The following GRTP1 variants were observed in gnomAD, a reference collection of about 807,000 sequenced individuals.
The protein encoded by GRTP1 is growth hormone-regulated TBC protein 1.
A neutral mutation model predicts 38.1 loss-of-function variants in GRTP1; 56 were observed. The ratio of observed to expected loss-of-function variants is 1.47; its 90% CI spans 1.19 to 1.84. The LOEUF (loss-of-function observed/expected upper bound fraction) is 1.84, where lower values mean the gene tolerates loss of function less well. GRTP1 is among the 40% of genes most tolerant of loss of function. The pLI, the probability that GRTP1 is intolerant of heterozygous loss-of-function variation, is 0.00. For missense variants in GRTP1, 506 were observed against 453.9 expected (o/e 1.11, Z -1.04); for synonymous variants, 217 against 189.5 (o/e 1.14, Z -1.19).
intron 5 of GRTP1, among the ~76,000 whole-genome samples, chr13:113,326,678 C>A (rs1158744853): frequency 5.3e-5 from 7 of 132,232 alleles, no homozygotes; most frequent in African/African-American, 2.1e-4. Flanking sequence ...CTCAAAAAAA[C>A]AAACAAACAA....
chr13:113,342,933 G>A lies in GRTP1; in HGVS notation c.562+1930C>T, dbSNP rs144733006. Among the ~76,000 whole-genome samples the A allele has an allele frequency of 9.0e-4, 137 of 152,144 alleles. No homozygotes were observed. Among genetic ancestry groups the A allele is most frequent in the African/African-American group, 3.1e-3 (130 of 41,502 alleles). On this transcript the variant is annotated intron_variant, in intron 5 of 7. Coordinates refer to ENST00000375431, the MANE Select transcript of GRTP1 (RefSeq NM_024719.4). The surrounding 1 kb of genome is among the most constrained non-coding windows in gnomAD (Gnocchi z 4.5). ...ACGCATCTGTCCATCACACCAGCAC[G>A]GCGGGGCCTGCTCCTGCCCTCTAGG... is the stretch of plus-strand genomic sequence containing the variant.
intron 2 of GRTP1, chr13:113,360,008 G>C (rs191651275): frequency 4.6e-5 from 7 of 152,152 alleles, no homozygotes; most frequent in Admixed American, 3.3e-4. Flanking sequence ...GAGAACTGAC[G>C]TCCATCTGTC....
intron 5 of GRTP1, among the ~76,000 whole-genome samples, chr13:113,337,509 T>C (rs976682084): frequency 1.3e-5 from 2 of 152,166 alleles, no homozygotes; most frequent in African/African-American, 4.8e-5. Flanking sequence ...CCCTAATATA[T>C]AGAGTTCTTT....
intron 2 of GRTP1, among the ~76,000 whole-genome samples, chr13:113,359,049 G>C (rs2043446935): frequency 6.6e-6 from 1 of 152,168 alleles, no homozygotes. Context: ...CGTAAATGAA[G>C]TACCTCAGCA....
chr13:113,335,437 A>T (rs1031746565), intron 5 of GRTP1, among the ~76,000 whole-genome samples: 1 of 39,692 alleles, frequency 2.5e-5, no homozygotes, highest in Non-Finnish European at 5.2e-5. Flanking sequence ...AAAACAAAAA[A>T]CAAAAACCTG....
rs1400313149 is a variant in GRTP1, at chr13:113,348,679, T to A, written c.465+2170A>T. ...ACAGGCATGCACAGGAGAACGCACATGGAGATGGAGGCAGAGATTGGAGTA... is the reference window on the plus strand; with the variant it reads ...ACAGGCATGCACAGGAGAACGCACAAGGAGATGGAGGCAGAGATTGGAGTA... On this transcript the variant is annotated intron_variant, in intron 4 of 7. Coordinates refer to ENST00000375431, the MANE Select transcript of GRTP1 (RefSeq NM_024719.4). This position sits in a 1 kb window ranked among gnomAD's most constrained non-coding sequence, Gnocchi z 4.8. Among the ~76,000 whole-genome samples the A allele has an allele frequency of 2.0e-5, 3 of 152,046 alleles. No individual in the cohort carries two copies. The highest frequency in any genetic ancestry group is 1.9e-4 in the East Asian group (1 of 5,154).
chr13:113,352,324 TTTTA>T (rs2043293565), intron 3 of GRTP1, among the ~76,000 whole-genome samples: 2 of 13,708 alleles, frequency 1.5e-4, no homozygotes, highest in Non-Finnish European at 2.8e-4. Flanking sequence ...TTATATATAT[TTTTA>T]TATATATTTT....
intron 5 of GRTP1, among the ~76,000 whole-genome samples, chr13:113,344,440 A>T (rs1235469230): frequency 6.6e-6 from 1 of 152,186 alleles, no homozygotes; most frequent in South Asian, 2.1e-4. Flanking sequence ...TTGGCCAGGC[A>T]TGGTGGCTCA....
chr13:113,363,753 G>C lies in GRTP1; in HGVS notation c.181+9C>G. 1.3e-6 allele frequency: 2 copies of C among 1,575,202 alleles called. No individual in the cohort carries two copies. Among genetic ancestry groups the C allele is most frequent in the Non-Finnish European group, 1.7e-6 (2 of 1,158,672 alleles). ...GCCCTCGGGACCCACCTGCGCCCCC[G>C]GGACCCACCTGTCCGGCTCCTGGGG... On this transcript the variant is annotated intron_variant, in intron 2 of 7. Transcript: ENST00000375431.
At chr13:113,347,982 AGACCTGGGAGGACCTGTGTGGCTGAGCG>A (rs1429345744) in intron 4 of GRTP1, among the ~76,000 whole-genome samples, 2 of 149,388 alleles carry the variant, frequency 1.3e-5, no homozygotes, top group African/African-American at 2.5e-5. Flanking sequence ...GGCCGAGAGC[AGACCTGGGAGGACCTGTGTGGCTGAGCG>A]GACCTGGGAG....
rs1386808039 is a variant in GRTP1 at position 113,342,068 on chromosome 13, A to G, written c.562+2795T>C. On this transcript the variant is annotated intron_variant, in intron 5 of 7. Coordinates refer to ENST00000375431, the MANE Select transcript of GRTP1 (RefSeq NM_024719.4). This position sits in a 1 kb window ranked among gnomAD's most constrained non-coding sequence, Gnocchi z 4.5. ...GCTGATTCTTGTGCCTCAGCCTCCT[A>G]AGTAGCTGGGATTACAGGCATCTGC... Among the ~76,000 whole-genome samples the G allele has an allele frequency of 6.6e-6, 1 of 151,798 alleles. No individual in the cohort carries two copies. The highest frequency in any genetic ancestry group is 1.5e-5 in the Non-Finnish European group (1 of 67,954).
chr13:113,338,778 T>C (rs1046387526), intron 5 of GRTP1, among the ~76,000 whole-genome samples: 14 of 152,164 alleles, frequency 9.2e-5, no homozygotes, highest in African/African-American at 3.1e-4. Context: ...CATTTCCACC[T>C]TCATGCTCAC....
rs949159771 is a variant in GRTP1, at chr13:113,338,730, G to A, written c.562+6133C>T. Among the ~76,000 whole-genome samples the A allele has an allele frequency of 4.6e-5, 7 of 152,262 alleles. No individual in the cohort carries two copies. The East Asian group carries it at 1.2e-3, about 25-fold the overall frequency. On this transcript the variant is annotated intron_variant, in intron 5 of 7. Transcript: ENST00000375431. ...TTTGTGTCACGGGCCTGGAGGCCTC[G>A]GTGGCTGCAGAAGGCTCCACTCCAA...
rs978838130 is a variant in GRTP1 at position 113,324,222 on chromosome 13, A to G, written c.*266T>C. 2.4e-6 allele frequency: 1 copy of G among 417,816 alleles called. No homozygotes were observed. Among genetic ancestry groups the G allele is most frequent in the African/African-American group, 2.1e-5 (1 of 47,746 alleles). 25.9% of individuals were successfully genotyped at this position (417,816 alleles called of 1,614,324 possible). A position where few individuals can be genotyped will look rare whatever the true frequency, so the allele number is the denominator to read the frequency against. ...CACAGGTGTTGGCATACTTTATTAG[A>G]TACAAACCCACACTCACATTTTATA... On this transcript the variant is annotated 3_prime_UTR_variant, in exon 8 of 8. Coordinates refer to ENST00000375431, the MANE Select transcript of GRTP1 (RefSeq NM_024719.4).
Position 113,348,611 on chromosome 13 carries a change from C to T in GRTP1, c.465+2238G>A, listed in dbSNP as rs1479044221. Among the ~76,000 whole-genome samples the T allele has an allele frequency of 1.3e-5, 2 of 152,076 alleles. No homozygotes were observed. The highest frequency in any genetic ancestry group is 2.9e-5 in the Non-Finnish European group (2 of 68,018). ...TGGGGTCATGGAGGAGTTGGTGGGC[C>T]CTATCCAAGCCTGGTGTCCTTGTCT... On this transcript the variant is annotated intron_variant, in intron 4 of 7. Transcript: ENST00000375431. The surrounding 1 kb of genome is among the most constrained non-coding windows in gnomAD (Gnocchi z 4.8).
Position 113,350,857 on chromosome 13 carries a change from A to G in GRTP1, c.457T>C (p.Tyr153His). Residue 153 changes from tyrosine to histidine, a missense_variant, in exon 4 of 8, where the codon TAC (tyrosine) becomes CAC (histidine). Physicochemically the swap from Tyr to His is moderately conservative, Grantham distance 83. Transcript: ENST00000375431. ...AGGGTCCCGAGGCTCACCTGGCAGT[A>G]GCCCACTCCCTGGTTATGGTGCCCA... Reference protein sequence around the residue: ...AYGHHNQGVGYCQGMNFIAGY... With the variant: ...AYGHHNQGVGHCQGMNFIAGY... 6.4e-7 allele frequency: 1 copy of G among 1,573,390 alleles called. No individual in the cohort carries two copies. The highest frequency in any genetic ancestry group is 1.3e-5 in the African/African-American group (1 of 74,308).
At chr13:113,347,827 A>T (rs1373555077) in intron 4 of GRTP1, among the ~76,000 whole-genome samples, 1 of 148,080 alleles carries the variant, frequency 6.8e-6, no homozygotes, top group African/African-American at 2.6e-5. Flanking sequence ...TCTGTGGCAG[A>T]GAGCAGACCC....
At chr13:113,332,305 ACGCACG>A (rs1566417095) in intron 5 of GRTP1, among the ~76,000 whole-genome samples, 18 of 103,884 alleles carry the variant, frequency 1.7e-4, no homozygotes, top group South Asian at 7.7e-4. Flanking sequence ...ACACGTGCAC[ACGCACG>A]CCACACACAG....
At chr13:113,358,885 T>C (rs542546575) in intron 2 of GRTP1, among the ~76,000 whole-genome samples, 1 of 152,352 alleles carries the variant, frequency 6.6e-6, no homozygotes, top group Admixed American at 6.5e-5. Context: ...AAACATGCAC[T>C]TGTCACACGA....
Sources: gnomAD v4.1 joint callset for allele counts (sites outside exome capture counted in the v4.1 genomes callset) on GRCh38, gnomAD v4.1.1 for gene constraint, Gnocchi (gnomAD v3.1) non-coding constraint, MANE v1.5 for transcripts, NCBI Gene and HGNC (gene_info 2026-07-23, HGNC 2026-07-21) for gene names.